The following RBFOX1 variants were observed in gnomAD, a reference collection of about 807,000 sequenced individuals.
RBFOX1 encodes RNA binding fox-1 homolog 1.
RBFOX1 carries 8 observed loss-of-function variants against 57.7 expected under a neutral mutation model. That is an observed-to-expected ratio of 0.14 (90% CI 0.08 to 0.25). The LOEUF is 0.25. RBFOX1 is among the 10% of genes least tolerant of loss of function. RBFOX1 has a pLI of 1.00. For missense variants in RBFOX1, 611 were observed against 548.5 expected (o/e 1.11, Z -1.14); for synonymous variants, 326 against 222.4 (o/e 1.47, Z -4.15).
At chr16:7,250,783 A>G (rs972688014) in intron 4 of RBFOX1, among the ~76,000 whole-genome samples, 2 of 152,228 alleles carry the variant, frequency 1.3e-5, no homozygotes, top group African/African-American at 4.8e-5. Context: ...CTACCAAAGA[A>G]TCAGGCACCA....
At chr16:6,470,335 A>T (rs73540099) in intron 2 of RBFOX1, among the ~76,000 whole-genome samples, 1 of 152,316 alleles carries the variant, frequency 6.6e-6, no homozygotes, top group East Asian at 1.9e-4. Context: ...TTTCGTAGGT[A>T]TAAACTAGTC....
At chr16:7,698,425 G>C (rs902856878) in intron 14 of RBFOX1, among the ~76,000 whole-genome samples, 1 of 152,108 alleles carries the variant, frequency 6.6e-6, no homozygotes, top group Admixed American at 6.5e-5. Context: ...TGTTGAAACT[G>C]TTCTCTGTGG....
intron 4 of RBFOX1, among the ~76,000 whole-genome samples, chr16:5,976,493 G>A (rs1231450319): frequency 6.6e-6 from 1 of 152,184 alleles, no homozygotes. Context: ...CATTAGGAAA[G>A]AAATTCCAGG....
chr16:5,665,129 C>A (rs971995884), intron 3 of RBFOX1, among the ~76,000 whole-genome samples: 1 of 94,608 alleles, frequency 1.1e-5, no homozygotes, highest in African/African-American at 5.5e-5. Flanking sequence ...GATATTTTTA[C>A]ATGGGGGGGG....
At chr16:7,260,649 C>T (rs1028643220) in intron 4 of RBFOX1, among the ~76,000 whole-genome samples, 9 of 152,042 alleles carry the variant, frequency 5.9e-5, no homozygotes, top group Non-Finnish European at 1.3e-4. Context: ...GTGTTATATT[C>T]CATTAGTTTA....
chr16:6,155,439 G>A (rs568774140), intron 1 of RBFOX1, among the ~76,000 whole-genome samples: 4 of 152,208 alleles, frequency 2.6e-5, no homozygotes, highest in Non-Finnish European at 4.4e-5. Flanking sequence ...GATGTACAGC[G>A]TGTGTTTTAT....
chr16:7,427,541 A>T (rs1361038442), intron 4 of RBFOX1, among the ~76,000 whole-genome samples: 1 of 152,166 alleles, frequency 6.6e-6, no homozygotes, highest in Non-Finnish European at 1.5e-5. Flanking sequence ...CTGAGACATT[A>T]GGCCATCCTT....
At chr16:7,080,032 G>A (rs1396379744) in intron 4 of RBFOX1, among the ~76,000 whole-genome samples, 1 of 83,148 alleles carries the variant, frequency 1.2e-5, no homozygotes, top group African/African-American at 3.0e-5. Flanking sequence ...ACGTATATAT[G>A]TATATAGATG....
chr16:6,769,638 C>T (rs1428744553), intron 3 of RBFOX1, among the ~76,000 whole-genome samples: 3 of 152,186 alleles, frequency 2.0e-5, no homozygotes, highest in African/African-American at 7.2e-5. Context: ...TGACTGTTGG[C>T]TCTAATGTAT....
intron 4 of RBFOX1, among the ~76,000 whole-genome samples, chr16:7,288,110 C>T (rs931395089): frequency 6.6e-6 from 1 of 152,084 alleles, no homozygotes; most frequent in African/African-American, 2.4e-5. Context: ...CTACCTTCAC[C>T]CTGGTTTCCA....
At chr16:7,303,175 G>C (rs117718833) in intron 4 of RBFOX1, among the ~76,000 whole-genome samples, 1 of 152,198 alleles carries the variant, frequency 6.6e-6, no homozygotes, top group African/African-American at 2.4e-5. Context: ...CTCAGGGGCT[G>C]GTTCGCTGGC....
chr16:6,213,491 T>TG (rs1228508267), intron 1 of RBFOX1, among the ~76,000 whole-genome samples: 1 of 152,188 alleles, frequency 6.6e-6, no homozygotes, highest in Non-Finnish European at 1.5e-5. Context: ...TGAGAGTCTC[T>TG]GGCTGCCTTG....
chr16:5,950,894 GA>G (rs1168788275), intron 4 of RBFOX1, among the ~76,000 whole-genome samples: 1 of 152,106 alleles, frequency 6.6e-6, no homozygotes, highest in African/African-American at 2.4e-5. Context: ...CATTATGGGG[GA>G]GGGGCATCCA....
intron 3 of RBFOX1, among the ~76,000 whole-genome samples, chr16:6,892,714 G>C (rs978120569): frequency 1.3e-5 from 2 of 150,880 alleles, no homozygotes; most frequent in Non-Finnish European, 3.0e-5. Context: ...AGTGCTATTT[G>C]TAGGGGTTTG....
intron 4 of RBFOX1, among the ~76,000 whole-genome samples, chr16:7,460,301 C>T (rs766070817): frequency 2.1e-4 from 31 of 148,886 alleles, no homozygotes; most frequent in East Asian, 2.0e-4. Context: ...AGCCAGCCCA[C>T]GTATCTCTTC....
intron 3 of RBFOX1, among the ~76,000 whole-genome samples, chr16:6,728,386 C>T (rs1315041852): frequency 2.0e-5 from 3 of 151,998 alleles, no homozygotes; most frequent in Non-Finnish European, 4.4e-5. Flanking sequence ...GTTGTTTCTT[C>T]TTCTAGAAGA....
chr16:6,944,072 T>C (rs2079033039), intron 3 of RBFOX1, among the ~76,000 whole-genome samples: 1 of 152,096 alleles, frequency 6.6e-6, no homozygotes, highest in African/African-American at 2.4e-5. Context: ...GCCTGAAACC[T>C]GTGGCTCAGG....
chr16:6,544,160 C>T (rs188325728), intron 2 of RBFOX1, among the ~76,000 whole-genome samples: 22 of 152,264 alleles, frequency 1.4e-4, no homozygotes, highest in East Asian at 5.8e-4. Flanking sequence ...GTAACTTCCA[C>T]GGTGCTCATC....
chr16:6,710,947 A>C (rs1045426332), intron 3 of RBFOX1, among the ~76,000 whole-genome samples: 2 of 152,222 alleles, frequency 1.3e-5, no homozygotes, highest in African/African-American at 4.8e-5. Flanking sequence ...CATGAAGGCT[A>C]CATGTAACGG....
Sources: gnomAD v4.1 joint callset for allele counts (sites outside exome capture counted in the v4.1 genomes callset) on GRCh38, gnomAD v4.1.1 for gene constraint, MANE v1.5 for transcripts, NCBI Gene and HGNC (gene_info 2026-07-23, HGNC 2026-07-21) for gene names.